The following SGMS1 variants were observed in gnomAD, a reference collection of about 807,000 sequenced individuals.
SGMS1 encodes the protein sphingomyelin synthase 1.
In SGMS1, 13 loss-of-function variants were observed where a neutral mutation model predicts 46.2. The ratio of observed to expected loss-of-function variants is 0.28; its 90% CI spans 0.18 to 0.45. SGMS1 has a LOEUF of 0.45. Ranked by LOEUF, SGMS1 falls within the 20% of genes least tolerant of loss-of-function variation. SGMS1 has a pLI of 1.00. For synonymous variants in SGMS1, 203 were observed against 187.8 expected (o/e 1.08, Z -0.66); for missense variants, 324 against 519.9 (o/e 0.62, Z 3.66).
intron 2 of SGMS1, among the ~76,000 whole-genome samples, chr10:50,567,628 C>G (rs1005509790): frequency 6.6e-6 from 1 of 152,202 alleles, no homozygotes; most frequent in Non-Finnish European, 1.5e-5. Flanking sequence ...GAGTGCCCAA[C>G]CTCCACTGTT....
chr10:50,526,139 A>C (rs1413825530), intron 2 of SGMS1, among the ~76,000 whole-genome samples: 1 of 152,200 alleles, frequency 6.6e-6, no homozygotes, highest in Non-Finnish European at 1.5e-5. Context: ...AGACTAGGTA[A>C]TTTATGAAGA....
intron 2 of SGMS1, among the ~76,000 whole-genome samples, chr10:50,560,026 G>A (rs1208176791): frequency 2.0e-5 from 3 of 148,652 alleles, no homozygotes; most frequent in Admixed American, 6.8e-5. Flanking sequence ...TTGCATACAC[G>A]TGTATACACA....
chr10:50,386,113 T>C (rs943262620), intron 6 of SGMS1, among the ~76,000 whole-genome samples: 1 of 152,160 alleles, frequency 6.6e-6, no homozygotes, highest in East Asian at 1.9e-4. Context: ...CCTTTTAAAA[T>C]AGAAATCTAA....
At chr10:50,403,299 G>A (rs933316384) in intron 6 of SGMS1, among the ~76,000 whole-genome samples, 2 of 152,142 alleles carry the variant, frequency 1.3e-5, no homozygotes, top group African/African-American at 4.8e-5. Context: ...CATGTTCAAT[G>A]TTCCATAAAG....
At chr10:50,390,428 C>A (rs918458279) in intron 6 of SGMS1, among the ~76,000 whole-genome samples, 1 of 152,306 alleles carries the variant, frequency 6.6e-6, no homozygotes, top group South Asian at 2.1e-4. Context: ...AAAGCATAAA[C>A]CCTGAAGCAT....
intron 3 of SGMS1, among the ~76,000 whole-genome samples, chr10:50,493,184 T>C (rs1837581421): frequency 6.6e-6 from 1 of 152,194 alleles, no homozygotes; most frequent in Non-Finnish European, 1.5e-5. Flanking sequence ...CTATCTGATC[T>C]TCAACAAACC....
At chr10:50,622,298 C>T (rs1038118669) in intron 1 of SGMS1, among the ~76,000 whole-genome samples, 1 of 152,174 alleles carries the variant, frequency 6.6e-6, no homozygotes, top group Admixed American at 6.5e-5. Context: ...GCCAAAACAG[C>T]CGCCAACCCC....
intron 2 of SGMS1, among the ~76,000 whole-genome samples, chr10:50,536,014 C>G (rs978412576): frequency 6.6e-6 from 1 of 152,058 alleles, no homozygotes; most frequent in Non-Finnish European, 1.5e-5. Flanking sequence ...GTTCTTCCCC[C>G]ACACATATCC....
intron 3 of SGMS1, among the ~76,000 whole-genome samples, chr10:50,494,503 A>G (rs1292189349): frequency 6.6e-6 from 1 of 152,222 alleles, no homozygotes; most frequent in Non-Finnish European, 1.5e-5. Flanking sequence ...GGAGGCCATT[A>G]TCCTTAGCAA....
At chr10:50,577,479 G>A (rs746545915) in intron 2 of SGMS1, among the ~76,000 whole-genome samples, 1 of 152,150 alleles carries the variant, frequency 6.6e-6, no homozygotes, top group Admixed American at 6.5e-5. Flanking sequence ...TAACGTGCAA[G>A]AATTCGTAAT....
intron 7 of SGMS1, among the ~76,000 whole-genome samples, chr10:50,329,150 G>T (rs1222025725): frequency 6.6e-6 from 1 of 152,048 alleles, no homozygotes; most frequent in East Asian, 1.9e-4. Context: ...TGCACAAAAG[G>T]TACACATACT....
intron 1 of SGMS1, among the ~76,000 whole-genome samples, chr10:50,603,144 C>A (rs1193093899): frequency 6.6e-6 from 1 of 152,214 alleles, no homozygotes; most frequent in Non-Finnish European, 1.5e-5. Flanking sequence ...TAATAATAAC[C>A]ACTACCATTT....
intron 3 of SGMS1, among the ~76,000 whole-genome samples, chr10:50,485,841 A>T (rs1332859957): frequency 2.6e-5 from 4 of 152,176 alleles, no homozygotes; most frequent in Non-Finnish European, 4.4e-5. Context: ...CAAAGGTTGC[A>T]ATGAGCCAAG....
chr10:50,435,742 G>C (rs1007462135), intron 5 of SGMS1, among the ~76,000 whole-genome samples: 2 of 152,134 alleles, frequency 1.3e-5, no homozygotes, highest in South Asian at 4.1e-4. Flanking sequence ...GGATTTGTCA[G>C]TTATGTTAAA....
intron 6 of SGMS1, among the ~76,000 whole-genome samples, chr10:50,356,142 G>A (rs555558865): frequency 1.0e-3 from 152 of 152,366 alleles, no homozygotes; most frequent in African/African-American, 3.1e-3. Context: ...GGAAAAGAAA[G>A]AGATCAGATT....
At chr10:50,341,198 T>C (rs1847815343) in intron 7 of SGMS1, 2 of 371,852 alleles carry the variant, frequency 5.4e-6, no homozygotes, top group Admixed American at 6.6e-5. Context: ...GTCCCTCTGA[T>C]ACTACAAAAG....
chr10:50,399,198 C>T (rs1848894666), intron 6 of SGMS1, among the ~76,000 whole-genome samples: 1 of 152,078 alleles, frequency 6.6e-6, no homozygotes, highest in Non-Finnish European at 1.5e-5. Context: ...ATCATTTGGA[C>T]TTAGCATTTT....
chr10:50,616,264 G>A (rs986120367), intron 1 of SGMS1, among the ~76,000 whole-genome samples: 4 of 151,960 alleles, frequency 2.6e-5, no homozygotes, highest in Non-Finnish European at 4.4e-5. Context: ...GGGACTACAG[G>A]TGCACACCAC....
chr10:50,311,187 T>G, intron 9 of SGMS1, 75 bp downstream of exon 9: 383 of 1,521,770 alleles, frequency 2.5e-4, no homozygotes, highest in Non-Finnish European at 3.1e-4. Flanking sequence ...TTCCAGAAAA[T>G]GAGCTTTACC....
Sources: allele counts gnomAD v4.1 joint callset (sites outside exome capture counted in the v4.1 genomes callset), GRCh38; gene constraint gnomAD v4.1.1; transcripts MANE v1.5; gene names NCBI Gene and HGNC (gene_info 2026-07-23, HGNC 2026-07-21).